Variants in TMPRSS11E observed in about 807,000 individuals in gnomAD.
TMPRSS11E encodes the protein transmembrane protease serine 11E.
Under a neutral mutation model 48.1 loss-of-function variants are expected in TMPRSS11E, and 38 were observed. The ratio of observed to expected loss-of-function variants is 0.79; its 90% CI spans 0.61 to 1.04. TMPRSS11E has a LOEUF of 1.04. Ranked by LOEUF, TMPRSS11E falls within the 50% of genes least tolerant of loss-of-function variation. The pLI is 0.00. For synonymous variants in TMPRSS11E, 158 were observed against 171.9 expected, an observed-to-expected ratio of 0.92 and a Z score of 0.63; for missense variants, 530 against 510.8, an observed-to-expected ratio of 1.04 and a Z score of -0.36.
In TMPRSS11E at chr4:68,476,286, T is replaced by A; in HGVS notation, c.555T>A (p.Thr185=). 2 of 1,614,030 alleles carry A rather than the reference T, an allele frequency of 1.2e-6. No homozygotes were observed. The highest frequency in any genetic ancestry group is 1.7e-6 in the Non-Finnish European group (2 of 1,179,950). ...GCTGCGGAACACGAAGAAGTAAAAC[T>A]CTAGGTCAGAGTCTCAGGATCGTTG... ...NHCCGTRRSK[T]LGQSLRIVGG... Residue 185 remains threonine (T), a synonymous_variant, in exon 7 of 10, where the codon ACT becomes ACA. Transcript: ENST00000305363.
chr4:68,491,299 CAAAAAAAAA>C (rs752361546), intron 9 of TMPRSS11E, among the ~76,000 whole-genome samples: 17 of 92,028 alleles, frequency 1.8e-4, no homozygotes, highest in Admixed American at 4.6e-4. Flanking sequence ...ATATATGAAG[CAAAAAAAAA>C]AAAAAAAAAA....
intron 3 of TMPRSS11E, among the ~76,000 whole-genome samples, chr4:68,466,968 G>A (rs926665550): frequency 1.3e-5 from 2 of 151,960 alleles, no homozygotes; most frequent in African/African-American, 2.4e-5. Flanking sequence ...TTAGCCATTC[G>A]GTCAGGTCCT....
In TMPRSS11E at chr4:68,478,451, CTTTTTT is replaced by C. The variant is rs377068765; in HGVS notation, c.968-382_968-377del. Among the ~76,000 whole-genome samples, 45 of 73,636 alleles carry C rather than the reference CTTTTTT, an allele frequency of 6.1e-4. 1 individual carries two copies. The highest frequency in any genetic ancestry group is 5.6e-3 in the Admixed American group (24 of 4,270). The allele number at this position is 73,636 out of a possible 152,430, so 48.3% of individuals were successfully genotyped here. ...AAGCCACCGCACCCGGTATCCCCCG[CTTTTTT>C]TTTTTTTTTTTTTTTAAGATGGGGC... On this transcript the variant is annotated intron_variant, in intron 8 of 9. Transcript: ENST00000305363.
chr4:68,479,856 T>C (rs1452227158), intron 9 of TMPRSS11E, among the ~76,000 whole-genome samples: 1 of 152,056 alleles, frequency 6.6e-6, no homozygotes, highest in Non-Finnish European at 1.5e-5. Flanking sequence ...TCTTTTAGTA[T>C]AGGTATGCTG....
intron 9 of TMPRSS11E, among the ~76,000 whole-genome samples, chr4:68,487,546 C>G (rs1252690722): frequency 6.6e-6 from 1 of 152,128 alleles, no homozygotes; most frequent in East Asian, 1.9e-4. Context: ...GAAACCATGC[C>G]TAGCCAGGTA....
chr4:68,484,739 G>T (rs960077233), intron 9 of TMPRSS11E, among the ~76,000 whole-genome samples: 4 of 152,056 alleles, frequency 2.6e-5, no homozygotes, highest in Non-Finnish European at 4.4e-5. Context: ...TCTTGATTTG[G>T]CTCTCGGCTA....
At chr4:68,450,268 G>A (rs1210462462) in intron 1 of TMPRSS11E, among the ~76,000 whole-genome samples, 1 of 151,854 alleles carries the variant, frequency 6.6e-6, no homozygotes, top group Non-Finnish European at 1.5e-5. Context: ...ACTCTCTGTT[G>A]AGCACCTACT....
At chr4:68,457,903 A>G (rs1436908385) in intron 1 of TMPRSS11E, among the ~76,000 whole-genome samples, 1 of 151,936 alleles carries the variant, frequency 6.6e-6, no homozygotes, top group African/African-American at 2.4e-5. Flanking sequence ...GGACACAGGG[A>G]GCAGAACATC....
At chr4:68,453,883 G>A (rs1022829534) in intron 1 of TMPRSS11E, among the ~76,000 whole-genome samples, 1 of 148,328 alleles carries the variant, frequency 6.7e-6, no homozygotes, top group African/African-American at 2.4e-5. Flanking sequence ...GCTTGATTAC[G>A]TGTCTTCCAA....
intron 3 of TMPRSS11E, among the ~76,000 whole-genome samples, chr4:68,467,368 A>G (rs892057146): frequency 2.6e-5 from 4 of 152,150 alleles, no homozygotes; most frequent in African/African-American, 9.6e-5. Context: ...AATTAGCAGC[A>G]TGGGCCAAAA....
Position 68,478,988 on chromosome 4 carries a change from C to A in TMPRSS11E, c.1107C>A (p.Cys369Ter). The change falls in exon 9 of 10, where the codon TGC becomes TGA. Residue 369 changes from cysteine to a stop codon, truncating the protein, a stop_gained. Transcript: ENST00000305363. LOFTEE classifies it high-confidence loss of function. ...AGSLEGKTDACQGDSGGPLVS... is the reference protein window; with the variant it reads ...AGSLEGKTDA ...CCTTAGAAGGAAAAACAGATGCATG[C>A]CAGGTAAACAGTTTTGCCCATTAGT... The A allele has an allele frequency of 6.2e-7, 1 of 1,613,070 alleles. No homozygotes were observed. Among genetic ancestry groups the A allele is most frequent in the Non-Finnish European group, 8.5e-7 (1 of 1,179,732 alleles).
At chr4:68,477,284 C>A in intron 7 of TMPRSS11E, 85 bp from the exon 8 acceptor site, 1 of 1,310,892 alleles carries the variant, frequency 7.6e-7, no homozygotes, top group Non-Finnish European at 1.0e-6. Flanking sequence ...AAAAAATCTA[C>A]ACCTGTAGAC....
At chr4:68,471,652 A>G (rs1729074963) in intron 5 of TMPRSS11E, 29 bp downstream of exon 5, 2 of 1,527,428 alleles carry the variant, frequency 1.3e-6, no homozygotes, top group Non-Finnish European at 8.8e-7. Flanking sequence ...TTTTTCTTTC[A>G]TAGAACAGCT....
At position 68,484,424 on chromosome 4, in the gene TMPRSS11E, A is replaced by C. The variant is rs552637025; in HGVS notation, c.1110+5433A>C. ...TGGGCTCAAGCGATCCTCCCACTTCAGTCTCCTGAGTAGCGGGGACTATAG... is the reference window on the plus strand; with the variant it reads ...TGGGCTCAAGCGATCCTCCCACTTCCGTCTCCTGAGTAGCGGGGACTATAG... On this transcript the variant is annotated intron_variant, in intron 9 of 9. Transcript: ENST00000305363. 2.0e-5 allele frequency among the ~76,000 whole-genome samples: 3 copies of C among 152,188 alleles called. No individual in the cohort carries two copies. The South Asian group carries it at 6.2e-4, about 32-fold the overall frequency.
intron 7 of TMPRSS11E, 88 bp from the exon 8 acceptor site, chr4:68,477,281 C>A: frequency 7.7e-7 from 1 of 1,298,178 alleles, no homozygotes; most frequent in Non-Finnish European, 1.1e-6. Context: ...AAAAAAAAAT[C>A]TACACCTGTA....
chr4:68,462,315 G>A (rs569858217), intron 2 of TMPRSS11E, among the ~76,000 whole-genome samples: 4 of 151,792 alleles, frequency 2.6e-5, no homozygotes, highest in Non-Finnish European at 5.9e-5. Flanking sequence ...AGTGGCTCAC[G>A]CCTGTAATCT....
In TMPRSS11E at chr4:68,476,704, T is replaced by C. The variant is rs529940764; in HGVS notation, c.707+266T>C. Among the ~76,000 whole-genome samples the C allele has an allele frequency of 5.9e-5, 9 of 152,336 alleles. No homozygotes were observed. In the South Asian group the frequency reaches 1.4e-3, roughly 25 times the overall value. On this transcript the variant is annotated intron_variant, in intron 7 of 9. Coordinates refer to ENST00000305363, the MANE Select transcript of TMPRSS11E (RefSeq NM_014058.4). ...AAAGCAGGAATTTTAAAGTCATTTT[T>C]GGATTTGAATTTGCTGTCAAACAGG...
chr4:68,477,761 G>A, intron 8 of TMPRSS11E, 133 bp downstream of exon 8: 2 of 1,143,648 alleles, frequency 1.7e-6, no homozygotes, highest in Middle Eastern at 2.1e-4. Flanking sequence ...CCCTAAAAGT[G>A]AAGTAAATAA....
Position 68,497,449 on chromosome 4 carries a change from A to G in TMPRSS11E, c.*645A>G, listed in dbSNP as rs1234498236. ...TCCTTATTTTCATTTCCAAACAACT[A>G]CTATGATAAATGTGAAGAAGATTCT... On this transcript the variant is annotated 3_prime_UTR_variant, in exon 10 of 10. Transcript: ENST00000305363. 10 of 152,140 alleles carry G rather than the reference A, an allele frequency of 6.6e-5. 1 individual carries two copies. Among genetic ancestry groups the G allele is most frequent in the Admixed American group, 6.6e-4 (10 of 15,246 alleles). The allele number at this position is 152,140 out of a possible 1,614,324, so 9.4% of individuals were successfully genotyped here.
Sources: allele counts gnomAD v4.1 joint callset (sites outside exome capture counted in the v4.1 genomes callset), GRCh38; gene constraint gnomAD v4.1.1; transcripts MANE v1.5; gene names NCBI Gene and HGNC (gene_info 2026-07-23, HGNC 2026-07-21).